The following NF1 variants were observed in gnomAD, a reference collection of about 807,000 sequenced individuals.
The protein encoded by NF1 is neurofibromin 1, also known as neurofibromin.
A neutral mutation model predicts 325.7 loss-of-function variants in NF1; 122 were observed. The ratio of observed to expected loss-of-function variants is 0.37; its 90% CI spans 0.32 to 0.44. The LOEUF is 0.44. Ranked by LOEUF, NF1 falls within the 20% of genes least tolerant of loss-of-function variation. NF1 has a pLI of 1.00. For missense variants in NF1, 2,140 were observed against 3,415.4 expected (o/e 0.63, Z 9.31); for synonymous variants, 1,091 against 1,186.0 (o/e 0.92, Z 1.65).
At chr17:31,103,113 T>G (rs1912507494) in intron 1 of NF1, among the ~76,000 whole-genome samples, 2 of 152,176 alleles carry the variant, frequency 1.3e-5, no homozygotes, top group South Asian at 4.1e-4. Flanking sequence ...AGTGCTGGGA[T>G]TATAGGCATA....
intron 33 of NF1, 139 bp downstream of exon 33, chr17:31,259,268 C>T (rs1299851498): frequency 3.5e-6 from 2 of 579,474 alleles, no homozygotes; most frequent in Non-Finnish European, 6.4e-6. Flanking sequence ...CATAGCTTGT[C>T]TTATTTTATT....
At chr17:31,262,420 CACTT>C (rs1478178906) in intron 35 of NF1, among the ~76,000 whole-genome samples, 1 of 152,196 alleles carries the variant, frequency 6.6e-6, no homozygotes, top group Non-Finnish European at 1.5e-5. Context: ...CATTGTTAGA[CACTT>C]ACTCTGTGAT....
intron 7 of NF1, 72 bp from the exon 8 acceptor site, chr17:31,182,436 T>C: frequency 6.8e-7 from 1 of 1,474,302 alleles, no homozygotes; most frequent in Non-Finnish European, 9.4e-7. Flanking sequence ...TTTTACATAG[T>C]GTCAGCTTTT....
intron 1 of NF1, among the ~76,000 whole-genome samples, chr17:31,146,251 A>C (rs577486183): frequency 6.6e-6 from 1 of 152,258 alleles, no homozygotes; most frequent in South Asian, 2.1e-4. Flanking sequence ...CTGGGGAGAC[A>C]AGATTTTTGG....
At chr17:31,264,018 A>G (rs1330270107) in intron 35 of NF1, among the ~76,000 whole-genome samples, 1 of 152,206 alleles carries the variant, frequency 6.6e-6, no homozygotes, top group Non-Finnish European at 1.5e-5. Flanking sequence ...ACCTGGTACC[A>G]GCAGCATGAT....
rs965129480 is a variant in NF1 at position 31,284,528 on chromosome 17, G to A, written c.4835+19189G>A. 1.7e-4 allele frequency among the ~76,000 whole-genome samples: 25 copies of A among 151,472 alleles called. No individual in the cohort carries two copies. In the East Asian group the frequency reaches 2.4e-3, roughly 14 times the overall value. On this transcript the variant is annotated intron_variant, in intron 36 of 57. Coordinates refer to ENST00000358273, the MANE Select transcript of NF1 (RefSeq NM_001042492.3). Reference sequence around the variant, plus strand: ...TTGAGCTCCTGACCTGAAGTGATCCGCCTGCCTCGGCCTCCCAAAATGCTG... The same window carrying A: ...TTGAGCTCCTGACCTGAAGTGATCCACCTGCCTCGGCCTCCCAAAATGCTG...
At chr17:31,345,332 TC>T (rs1018374480) in intron 48 of NF1, among the ~76,000 whole-genome samples, 9 of 152,178 alleles carry the variant, frequency 5.9e-5, no homozygotes, top group African/African-American at 2.2e-4. Flanking sequence ...TGCGACTCGG[TC>T]CCGGCGCTGG....
At chr17:31,138,823 A>G (rs773479758) in intron 1 of NF1, among the ~76,000 whole-genome samples, 1 of 151,076 alleles carries the variant, frequency 6.6e-6, no homozygotes, top group African/African-American at 2.4e-5. Flanking sequence ...ATGTCGTGAT[A>G]TGCCCACCTT....
chr17:31,181,595 C>A (rs2143776024), intron 6 of NF1, 106 bp downstream of exon 6: 3 of 1,313,694 alleles, frequency 2.3e-6, no homozygotes, highest in Non-Finnish European at 3.3e-6. Context: ...GTTTCACATT[C>A]ATTTTCAGGA....
At chr17:31,330,155 A>G (rs2069444509) in intron 38 of NF1, 141 bp from the exon 39 acceptor site, 1 of 748,230 alleles carries the variant, frequency 1.3e-6, no homozygotes, top group Non-Finnish European at 2.2e-6. Flanking sequence ...GAATTATAAC[A>G]TCTTATTTCT....
intron 6 of NF1, 57 bp downstream of exon 6, chr17:31,181,546 G>C: frequency 1.3e-6 from 2 of 1,528,392 alleles, no homozygotes; most frequent in East Asian, 4.5e-5. Flanking sequence ...ATTTGCTGTT[G>C]TTAGCATCCT....
rs781367679 is a variant in NF1 at position 31,201,108 on chromosome 17, C to T, written c.1134C>T (p.Asp378=). 6 of 1,614,112 alleles carry T rather than the reference C, an allele frequency of 3.7e-6. No individual in the cohort carries two copies. Among genetic ancestry groups the T allele is most frequent in the Non-Finnish European group, 5.1e-6 (6 of 1,180,006 alleles). The change falls in exon 10 of 58, where the codon GAC becomes GAT. Residue 378 remains aspartate, a synonymous_variant. Coordinates refer to ENST00000358273, the MANE Select transcript of NF1 (RefSeq NM_001042492.3). ...SQPADVDLMI[D]CLVSCFRISP... ...CTGCAGATGTGGATCTAATGATTGA[C>T]TGCCTTGTTTCTTGCTTTCGTATAA...
intron 8 of NF1, chr17:31,183,218 GA>G (rs567141262): frequency 2.3e-3 from 427 of 187,274 alleles, no homozygotes; most frequent in East Asian, 3.8e-3. Flanking sequence ...CTAGGTGATT[GA>G]AAAAAAAAAG....
chr17:31,281,710 C>G (rs2068121654), intron 36 of NF1, among the ~76,000 whole-genome samples: 1 of 151,972 alleles, frequency 6.6e-6, no homozygotes, highest in Non-Finnish European at 1.5e-5. Context: ...CTCTGACCCC[C>G]TAGGCAAGTT....
intron 4 of NF1, among the ~76,000 whole-genome samples, chr17:31,168,598 A>G (rs1487138780): frequency 1.3e-5 from 2 of 151,904 alleles, no homozygotes; most frequent in African/African-American, 2.4e-5. Flanking sequence ...TTGCCTTTCT[A>G]CATTCTGTAT....
chr17:31,296,890 C>T (rs1472868080), intron 36 of NF1: 1 of 158,166 alleles, frequency 6.3e-6, no homozygotes, highest in African/African-American at 2.4e-5. Flanking sequence ...CTTGAAAAAT[C>T]CAGACCAACA....
At chr17:31,218,423 T>C (rs17883497) in intron 13 of NF1, among the ~76,000 whole-genome samples, 6,922 of 152,250 alleles carry the variant, frequency 0.045, 214 homozygotes, top group Non-Finnish European at 0.074. Flanking sequence ...TTTTATTTTA[T>C]TGAGATAAAA....
chr17:31,157,839 G>A (rs1165245210), intron 2 of NF1, among the ~76,000 whole-genome samples: 1 of 151,012 alleles, frequency 6.6e-6, no homozygotes, highest in Non-Finnish European at 1.5e-5. Flanking sequence ...GGCGGCATGT[G>A]CCTGTAGTCC....
chr17:31,198,887 GGGAT>G, intron 8 of NF1, among the ~76,000 whole-genome samples: 1 of 152,054 alleles, frequency 6.6e-6, no homozygotes. Flanking sequence ...CCAAAGTGCT[GGGAT>G]TACAGGCATG....
Sources: allele counts gnomAD v4.1 joint callset (sites outside exome capture counted in the v4.1 genomes callset), GRCh38; gene constraint gnomAD v4.1.1; transcripts MANE v1.5; gene names NCBI Gene and HGNC (gene_info 2026-07-23, HGNC 2026-07-21).